RASGRP3: variants seen among roughly 807,000 people sequenced by gnomAD.
RASGRP3 encodes the protein ras guanyl-releasing protein 3.
Under a neutral mutation model 82.7 loss-of-function variants are expected in RASGRP3, and 54 were observed. The ratio of observed to expected loss-of-function variants is 0.65; its 90% CI spans 0.52 to 0.82. The LOEUF is 0.82. Among genes scored for constraint, RASGRP3 ranks in the 40% least tolerant of loss-of-function variants. The pLI, the probability that RASGRP3 is intolerant of heterozygous loss-of-function variation, is 0.00. For missense variants in RASGRP3, 861 were observed against 828.9 expected (o/e 1.04, Z -0.48); for synonymous variants, 309 against 300.5 (o/e 1.03, Z -0.29).
chr2:33,540,463 G>A lies in RASGRP3; in HGVS notation c.1278+1253G>A, dbSNP rs192417942. 5.0e-3 allele frequency among the ~76,000 whole-genome samples: 728 copies of A among 145,810 alleles called. 42 individuals carry two copies. The highest frequency in any genetic ancestry group is 0.014 in the Middle Eastern group (4 of 288). On this transcript the variant is annotated intron_variant, in intron 12 of 17. Transcript: ENST00000403687. ...GTCTGAAGCCAGGAAATAGAAGGCA[G>A]AGCTGTTCCCTCTCCCAGTCTCATT...
At chr2:33,524,167 A>G (rs1672302789) in intron 8 of RASGRP3, 115 bp downstream of exon 8, 1 of 1,205,982 alleles carries the variant, frequency 8.3e-7, no homozygotes, top group Non-Finnish European at 1.2e-6. Context: ...CAACTAAACT[A>G]CTCGCTGATA....
chr2:33,561,450 G>A (rs1676642660), intron 17 of RASGRP3, among the ~76,000 whole-genome samples: 1 of 152,058 alleles, frequency 6.6e-6, no homozygotes, highest in East Asian at 1.9e-4. Context: ...AAGGACGTAT[G>A]CTCTTATATG....
At chr2:33,470,256 G>A (rs1666976484) in intron 2 of RASGRP3, among the ~76,000 whole-genome samples, 1 of 151,964 alleles carries the variant, frequency 6.6e-6, no homozygotes, top group African/African-American at 2.4e-5. Context: ...TTCCAATACA[G>A]AAATGTATCA....
intron 13 of RASGRP3, among the ~76,000 whole-genome samples, chr2:33,546,504 G>A (rs1051843358): frequency 2.6e-5 from 4 of 151,982 alleles, no homozygotes; most frequent in African/African-American, 9.7e-5. Context: ...ACACTGTTGG[G>A]AGTATAATTC....
chr2:33,464,848 T>G (rs1395755069), intron 2 of RASGRP3, among the ~76,000 whole-genome samples: 1 of 152,182 alleles, frequency 6.6e-6, no homozygotes, highest in Non-Finnish European at 1.5e-5. Context: ...GCTGGCAAAC[T>G]TAATCAATAA....
chr2:33,494,394 A>G (rs1228437452), intron 1 of RASGRP3, among the ~76,000 whole-genome samples: 1 of 152,320 alleles, frequency 6.6e-6, no homozygotes, highest in Non-Finnish European at 1.5e-5. Flanking sequence ...AACAACAACA[A>G]AAGTAGAGTA....
intron 11 of RASGRP3, among the ~76,000 whole-genome samples, chr2:33,537,320 A>ACCACCCCCCCCCCCCCC (rs1266542679): frequency 9.0e-5 from 3 of 33,324 alleles, no homozygotes; most frequent in African/African-American, 2.9e-4. Context: ...ACACACACAC[A>ACCACCCCCCCCCCCCCC]CCGCCCCCCC....
At chr2:33,514,505 CAAAAAA>C (rs3083005) in intron 2 of RASGRP3, among the ~76,000 whole-genome samples, 2 of 60,672 alleles carry the variant, frequency 3.3e-5, no homozygotes, top group Middle Eastern at 0.014. Flanking sequence ...CCCATCTCTA[CAAAAAA>C]AAAAAAAAAA....
intron 14 of RASGRP3, 27 bp from the exon 15 acceptor site, chr2:33,555,504 C>G (rs781000049): frequency 6.3e-7 from 1 of 1,578,898 alleles, no homozygotes; most frequent in Admixed American, 1.7e-5. Flanking sequence ...CTCAGATTCC[C>G]TGACATTCCT....
intron 2 of RASGRP3, among the ~76,000 whole-genome samples, chr2:33,467,114 A>C (rs1269978167): frequency 2.0e-5 from 3 of 152,080 alleles, no homozygotes; most frequent in Admixed American, 6.6e-5. Flanking sequence ...TATAATAATT[A>C]TGATTACTTC....
At chr2:33,518,740 T>G (rs1671699421) in intron 4 of RASGRP3, among the ~76,000 whole-genome samples, 1 of 152,122 alleles carries the variant, frequency 6.6e-6, no homozygotes, top group Non-Finnish European at 1.5e-5. Flanking sequence ...ACTTTTTTCG[T>G]TAAAAGCAAA....
At chr2:33,458,835 T>A (rs1283105728) in intron 2 of RASGRP3, among the ~76,000 whole-genome samples, 2 of 152,220 alleles carry the variant, frequency 1.3e-5, no homozygotes, top group Admixed American at 1.3e-4. Context: ...AATAAATTGT[T>A]TTTACCCACT....
At chr2:33,510,211 C>T (rs911198100) in intron 1 of RASGRP3, among the ~76,000 whole-genome samples, 2 of 152,162 alleles carry the variant, frequency 1.3e-5, no homozygotes, top group African/African-American at 2.4e-5. Context: ...TCAAGAAATT[C>T]TTTTATCTTG....
chr2:33,553,130 G>A (rs1675535994), intron 14 of RASGRP3, among the ~76,000 whole-genome samples: 1 of 135,520 alleles, frequency 7.4e-6, no homozygotes, highest in Non-Finnish European at 1.5e-5. Flanking sequence ...TGCTAATAAT[G>A]TAACATATCT....
chr2:33,438,721 A>C (rs961726720), intron 1 of RASGRP3, among the ~76,000 whole-genome samples: 4 of 152,174 alleles, frequency 2.6e-5, no homozygotes, highest in Non-Finnish European at 1.5e-5. Context: ...TTTGAAAAAA[A>C]TTATCAATTT....
At chr2:33,503,443 G>A (rs1191211207) in intron 1 of RASGRP3, among the ~76,000 whole-genome samples, 1 of 152,094 alleles carries the variant, frequency 6.6e-6, no homozygotes, top group Non-Finnish European at 1.5e-5. Flanking sequence ...CTTGAGATTT[G>A]TTTTTCTTTT....
At chr2:33,520,452 C>T in intron 5 of RASGRP3, 101 bp from the exon 6 acceptor site, 1 of 1,462,746 alleles carries the variant, frequency 6.8e-7, no homozygotes, top group African/African-American at 1.4e-5. Context: ...CTGGATGGTC[C>T]TGGACTTGGT....
At chr2:33,562,658 T>A (rs1676808451) in intron 17 of RASGRP3, 71 bp from the exon 18 acceptor site, 2 of 1,548,304 alleles carry the variant, frequency 1.3e-6, no homozygotes, top group African/African-American at 2.7e-5. Context: ...TCTGAAAAAC[T>A]GCTTTCTAGG....
In RASGRP3 at chr2:33,464,481, A is replaced by T. The variant is rs539221986; in HGVS notation, c.-261+16538A>T. On this transcript the variant is annotated intron_variant, in intron 2 of 18. Coordinates refer to the RASGRP3 transcript ENST00000402538. The stretch of plus-strand genomic sequence containing the variant: ...TCTGTGATCAGTGATCTTTTTTTAA[A>T]AAAAAAAAAAAAGATAGGGTCTTGC... Among the ~76,000 whole-genome samples the T allele has an allele frequency of 9.0e-3, 1,336 of 147,708 alleles. 21 individuals are homozygous for T. Among genetic ancestry groups the T allele is most frequent in the African/African-American group, 0.032 (1,277 of 40,196 alleles).
Sources: allele counts gnomAD v4.1 joint callset (sites outside exome capture counted in the v4.1 genomes callset), GRCh38; gene constraint gnomAD v4.1.1; transcripts MANE v1.5; gene names NCBI Gene and HGNC (gene_info 2026-07-23, HGNC 2026-07-21).